CLHC1: variants seen among roughly 807,000 people sequenced by gnomAD.
CLHC1 encodes the protein clathrin heavy chain linker domain containing 1.
A neutral mutation model predicts 69.5 loss-of-function variants in CLHC1; 72 were observed. The ratio of observed to expected loss-of-function variants is 1.04; its 90% confidence interval spans 0.86 to 1.26. The LOEUF is 1.26. CLHC1 is among the 50% of genes most tolerant of loss of function. CLHC1 has a pLI of 0.00. For missense variants in CLHC1, 790 were observed against 679.3 expected (o/e 1.16, Z -1.81); for synonymous variants, 223 against 224.3 (o/e 0.99, Z 0.05).
At position 55,174,335 on chromosome 2, in the gene CLHC1, T is replaced by C. The variant is rs1669196553; in HGVS notation, c.*1455A>G. ...TATAAGATAAGCCAGGCAACCCTAA[T>C]ACAAGTGTGGACAGATAACTTAATC... On this transcript the variant is annotated 3_prime_UTR_variant, in exon 13 of 13. Coordinates refer to ENST00000401408, the MANE Select transcript of CLHC1 (RefSeq NM_152385.4). Among the ~76,000 whole-genome samples, 1 of 152,180 alleles carries C rather than the reference T, an allele frequency of 6.6e-6. No homozygotes were observed. Among genetic ancestry groups the C allele is most frequent in the Non-Finnish European group, 1.5e-5 (1 of 68,032 alleles).
At chr2:55,212,012 CA>C (rs2103964344) in intron 5 of CLHC1, among the ~76,000 whole-genome samples, 1 of 152,324 alleles carries the variant, frequency 6.6e-6, no homozygotes, top group African/African-American at 2.4e-5. Flanking sequence ...CACAGTGGCT[CA>C]TGCCTTTAAT....
At chr2:55,205,421 A>ACACG (rs1357597107) in intron 9 of CLHC1, among the ~76,000 whole-genome samples, 7 of 150,858 alleles carry the variant, frequency 4.6e-5, no homozygotes, top group Non-Finnish European at 1.0e-4. Context: ...ACACACACAC[A>ACACG]CGCACACACA....
Position 55,217,504 on chromosome 2 carries a change from C to G in CLHC1, c.365+307G>C, listed in dbSNP as rs1295186063. Among the ~76,000 whole-genome samples the G allele has an allele frequency of 2.9e-4, 17 of 58,900 alleles. No individual in the cohort carries two copies. In the South Asian group the frequency reaches 5.0e-3, roughly 17 times the overall value. The allele number at this position is 58,900 out of a possible 152,430, so 38.6% of individuals were successfully genotyped here. A position where few individuals can be genotyped will look rare whatever the true frequency, so the allele number is the denominator to read the frequency against. Reference sequence around the variant, plus strand: ...CGCCATTGCACTCCAGCCTGGGCAACAAGAGTGAAACCCTGTCTCAAAAAA... The same window carrying G: ...CGCCATTGCACTCCAGCCTGGGCAAGAAGAGTGAAACCCTGTCTCAAAAAA... On this transcript the variant is annotated intron_variant, in intron 4 of 12. Transcript: ENST00000401408.
At chr2:55,229,455 G>T (rs1348992879) in intron 1 of CLHC1, among the ~76,000 whole-genome samples, 1 of 152,156 alleles carries the variant, frequency 6.6e-6, no homozygotes, top group East Asian at 1.9e-4. Flanking sequence ...TTGAGGAACA[G>T]CTAGAGGGCC....
At chr2:55,179,918 G>T (rs1324451800) in intron 11 of CLHC1, among the ~76,000 whole-genome samples, 1 of 152,172 alleles carries the variant, frequency 6.6e-6, no homozygotes, top group East Asian at 1.9e-4. Context: ...ACTTTGAGAG[G>T]CTGAGGCGGG....
intron 9 of CLHC1, among the ~76,000 whole-genome samples, chr2:55,188,552 A>C (rs1337495658): frequency 2.0e-5 from 3 of 152,166 alleles, no homozygotes; most frequent in Non-Finnish European, 2.9e-5. Flanking sequence ...TTATCTTCAA[A>C]AGCTGAAGAT....
At chr2:55,207,605 A>T (rs1308016974) in intron 8 of CLHC1, among the ~76,000 whole-genome samples, 6 of 152,238 alleles carry the variant, frequency 3.9e-5, no homozygotes, top group Admixed American at 3.9e-4. Flanking sequence ...ACATATGTTC[A>T]TTACAGATAA....
intron 2 of CLHC1, among the ~76,000 whole-genome samples, chr2:55,227,418 G>A (rs1415839110): frequency 9.2e-5 from 14 of 151,998 alleles, no homozygotes; most frequent in African/African-American, 3.1e-4. Context: ...GGTGGCTCAC[G>A]CCTATAATCC....
rs776326297 is a variant in CLHC1 at position 55,206,319 on chromosome 2, GT to G, written c.956del (p.Asn319ThrfsTer13). 6.2e-7 allele frequency: 1 copy of G among 1,611,632 alleles called. No homozygotes were observed. The highest frequency in any genetic ancestry group is 1.7e-5 in the Admixed American group (1 of 60,004). ...TGTTTCGAAGAATTCTTCTAGGACT[GT>G]TTGCTGCATAACAAGCTGCCTTTTC... ...EYEKAACYAANSPRRILRNIG... is the reference protein window; with the variant it reads ...EYEKAACYAAXSPRRILRNIG... On this transcript the variant is annotated frameshift_variant, in exon 9 of 13. Coordinates refer to ENST00000401408, the MANE Select transcript of CLHC1 (RefSeq NM_152385.4). LOFTEE classifies it high-confidence loss of function.
chr2:55,224,817 C>A, intron 2 of CLHC1: 1 of 302,714 alleles, frequency 3.3e-6, no homozygotes, highest in Non-Finnish European at 6.8e-6. Context: ...CAAAGAGGCC[C>A]CCCAGCCAGC....
At chr2:55,209,571 T>C in intron 6 of CLHC1, 55 bp from the exon 7 acceptor site, 1 of 1,584,128 alleles carries the variant, frequency 6.3e-7, no homozygotes, top group Non-Finnish European at 8.7e-7. Flanking sequence ...AATGGTGGAA[T>C]ATTAGAATAA....
At position 55,184,961 on chromosome 2, in the gene CLHC1, CAA is replaced by C. The variant is rs35494144; in HGVS notation, c.1007-3219_1007-3218del. On this transcript the variant is annotated intron_variant, in intron 9 of 12. Coordinates refer to ENST00000401408, the MANE Select transcript of CLHC1 (RefSeq NM_152385.4). Reference sequence around the variant, plus strand: ...ACACACACACACACACACACACACACAAAGATTTCCTATACCTACTATAGATT... The same window carrying C: ...ACACACACACACACACACACACACACAGATTTCCTATACCTACTATAGATT... Among the ~76,000 whole-genome samples, 754 of 138,244 alleles carry C rather than the reference CAA, an allele frequency of 5.5e-3. 4 individuals carry two copies. Among genetic ancestry groups the C allele is most frequent in the African/African-American group, 0.015 (577 of 38,634 alleles). 90.7% of individuals were successfully genotyped at this position (138,244 alleles called of 152,430 possible). A position where few individuals can be genotyped will look rare whatever the true frequency, so the allele number is the denominator to read the frequency against.
intron 1 of CLHC1, among the ~76,000 whole-genome samples, chr2:55,229,861 G>T (rs151033976): frequency 6.6e-6 from 1 of 152,146 alleles, no homozygotes. Flanking sequence ...ATCACCTGAC[G>T]TCGGGAGTTC....
intron 2 of CLHC1, among the ~76,000 whole-genome samples, chr2:55,222,711 G>C (rs1235231580): frequency 6.6e-6 from 1 of 151,804 alleles, no homozygotes; most frequent in Non-Finnish European, 1.5e-5. Context: ...TCTGAGGTCC[G>C]GGAGTTCGAG....
At chr2:55,215,116 T>G (rs991343838) in intron 4 of CLHC1, 1 of 152,218 alleles carries the variant, frequency 6.6e-6, no homozygotes, top group Non-Finnish European at 1.5e-5. Flanking sequence ...CATAGAGAAT[T>G]TTAACTCAAC....
chr2:55,226,550 T>C (rs1354195341), intron 2 of CLHC1, among the ~76,000 whole-genome samples: 1 of 152,262 alleles, frequency 6.6e-6, no homozygotes, highest in African/African-American at 2.4e-5. Flanking sequence ...TAAATCGTTT[T>C]TTAAAACATG....
intron 9 of CLHC1, among the ~76,000 whole-genome samples, chr2:55,199,109 C>T (rs1357332477): frequency 6.6e-6 from 1 of 151,718 alleles, no homozygotes; most frequent in Admixed American, 6.6e-5. Context: ...CCAGCCTGGG[C>T]AACATGGTGA....
chr2:55,209,665 A>G lies in CLHC1; in HGVS notation c.666T>C (p.Asp222=). Residue 222 remains aspartate, a synonymous_variant, in exon 6 of 13, where the codon GAT becomes GAC. Coordinates refer to ENST00000401408, the MANE Select transcript of CLHC1 (RefSeq NM_152385.4). ...EEMIVLLKRR[D]VAENLNKKLQ... is the part of the protein sequence containing the mutation. ...ATTTTTTGTTCAGATTTTCAGCTAC[A>G]TCTCGCCGTTTTAATAACACAATCA... 6.2e-7 allele frequency: 1 copy of G among 1,614,140 alleles called. No individual in the cohort carries two copies. The highest frequency in any genetic ancestry group is 8.5e-7 in the Non-Finnish European group (1 of 1,180,008).
chr2:55,175,493 A>G lies in CLHC1; in HGVS notation c.*297T>C. 1 of 295,608 alleles carries G rather than the reference A, an allele frequency of 3.4e-6. No homozygotes were observed. Among genetic ancestry groups the G allele is most frequent in the East Asian group, 6.2e-5 (1 of 16,026 alleles). The allele number at this position is 295,608 out of a possible 1,614,324, so 18.3% of individuals were successfully genotyped here. On this transcript the variant is annotated 3_prime_UTR_variant, in exon 13 of 13. Coordinates refer to ENST00000401408, the MANE Select transcript of CLHC1 (RefSeq NM_152385.4). ...TATCATATTACATCACCAGAAAGTA[A>G]TATATCTGGACATTAGCTTATGTCC...
Sources: allele counts gnomAD v4.1 joint callset (sites outside exome capture counted in the v4.1 genomes callset), GRCh38; gene constraint gnomAD v4.1.1; transcripts MANE v1.5; gene names NCBI Gene and HGNC (gene_info 2026-07-23, HGNC 2026-07-21).